MYCBP2: variants seen among roughly 807,000 people sequenced by gnomAD.
The protein encoded by MYCBP2 is E3 ubiquitin-protein ligase MYCBP2.
A neutral mutation model predicts 525.3 loss-of-function variants in MYCBP2; 120 were observed. The ratio of observed to expected loss-of-function variants is 0.23; its 90% CI spans 0.20 to 0.27. The LOEUF (loss-of-function observed/expected upper bound fraction) is 0.27. Among genes scored for constraint, MYCBP2 ranks in the 10% least tolerant of loss-of-function variants. MYCBP2 has a pLI of 1.00. For missense variants in MYCBP2, 4,149 were observed against 5,657.1 expected, an observed-to-expected ratio of 0.73 and a Z score of 8.55; for synonymous variants, 1,894 against 1,955.8, an observed-to-expected ratio of 0.97 and a Z score of 0.83.
intron 3 of MYCBP2, among the ~76,000 whole-genome samples, chr13:77,281,676 A>G (rs1040472663): frequency 6.6e-6 from 1 of 152,192 alleles, no homozygotes; most frequent in African/African-American, 2.4e-5. Context: ...TAGGAAAGTG[A>G]GATAAAAATA....
intron 23 of MYCBP2, 113 bp downstream of exon 23, chr13:77,211,054 T>C (rs2063942298): frequency 2.0e-5 from 15 of 741,578 alleles, no homozygotes; most frequent in Non-Finnish European, 2.8e-5. Context: ...AGTTATTAGA[T>C]AAACAGGAGA....
chr13:77,097,647 G>A lies in MYCBP2; in HGVS notation c.9507C>T (p.Asp3169=), dbSNP rs1334189309. ...CAGCTTTGATAGTAGCCAAAGAGATGTCTTCCCAAAAAGCCACTAAATGTT... is the reference window on the plus strand; with the variant it reads ...CAGCTTTGATAGTAGCCAAAGAGATATCTTCCCAAAAAGCCACTAAATGTT... ...TLQHLVAFWE[D]ISLATIKAAS... The change falls in exon 56 of 83, where the codon GAC becomes GAT. Residue 3169 remains aspartate, a synonymous_variant. Transcript: ENST00000544440. 4 of 1,613,550 alleles carry A rather than the reference G, an allele frequency of 2.5e-6. No homozygotes were observed. Among genetic ancestry groups the A allele is most frequent in the Non-Finnish European group, 3.4e-6 (4 of 1,179,820 alleles).
chr13:77,105,944 C>A (rs1245229918), intron 55 of MYCBP2, among the ~76,000 whole-genome samples: 1 of 152,130 alleles, frequency 6.6e-6, no homozygotes, highest in African/African-American at 2.4e-5. Flanking sequence ...TTCCTAGTCA[C>A]AGAAACTTTG....
intron 8 of MYCBP2, 134 bp downstream of exon 8, chr13:77,267,707 G>A: frequency 2.9e-6 from 2 of 684,820 alleles, no homozygotes; most frequent in Non-Finnish European, 5.2e-6. Flanking sequence ...AAAATGCTTT[G>A]TATGTCAAGA....
chr13:77,260,601 A>C lies in MYCBP2; in HGVS notation c.1853-9T>G, dbSNP rs2154337512. 3 of 1,576,766 alleles carry C rather than the reference A, an allele frequency of 1.9e-6. No individual in the cohort carries two copies. The highest frequency in any genetic ancestry group is 1.4e-5 in the African/African-American group (1 of 72,598). On this transcript the variant is annotated splice_polypyrimidine_tract_variant and intron_variant, in intron 12 of 82. Transcript: ENST00000544440. Reference sequence around the variant, plus strand: ...TTGCCGTCTGCTCTTAGCTTTAAAAAAGAAATTAGATTAAATCAAGACCTC... The same window carrying C: ...TTGCCGTCTGCTCTTAGCTTTAAAACAGAAATTAGATTAAATCAAGACCTC...
intron 15 of MYCBP2, among the ~76,000 whole-genome samples, chr13:77,250,772 T>C (rs2071068884): frequency 6.6e-6 from 1 of 152,196 alleles, no homozygotes; most frequent in South Asian, 2.1e-4. Flanking sequence ...CTCTTTATGA[T>C]ATCGATAATT....
chr13:77,139,924 T>C, intron 51 of MYCBP2, 123 bp downstream of exon 51: 1 of 589,418 alleles, frequency 1.7e-6, no homozygotes, highest in Non-Finnish European at 2.9e-6. Context: ...AAAATAGTTT[T>C]AAAATATTTC....
intron 17 of MYCBP2, among the ~76,000 whole-genome samples, chr13:77,234,268 T>G (rs780472995): frequency 1.3e-5 from 2 of 151,924 alleles, no homozygotes; most frequent in Non-Finnish European, 2.9e-5. Context: ...CACTCTAAAT[T>G]TGACAGGTTA....
intron 55 of MYCBP2, among the ~76,000 whole-genome samples, chr13:77,110,775 G>A (rs549334571): frequency 8.5e-5 from 13 of 152,182 alleles, no homozygotes; most frequent in African/African-American, 2.6e-4. Context: ...AAGAACCTAC[G>A]TTGAAATATT....
chr13:77,146,095 G>T, intron 48 of MYCBP2, 67 bp downstream of exon 48: 1 of 1,012,290 alleles, frequency 9.9e-7, no homozygotes, highest in Non-Finnish European at 1.5e-6. Flanking sequence ...TTGAAATGCA[G>T]GATGATTTTA....
intron 38 of MYCBP2, 50 bp downstream of exon 38, chr13:77,171,442 T>C (rs2059134433): frequency 1.3e-6 from 2 of 1,561,274 alleles, no homozygotes; most frequent in East Asian, 2.2e-5. Flanking sequence ...TGCAAAAATT[T>C]AGTGAATAAA....
intron 26 of MYCBP2, among the ~76,000 whole-genome samples, chr13:77,197,876 A>T (rs762733764): frequency 2.2e-4 from 34 of 152,234 alleles, no homozygotes; most frequent in Non-Finnish European, 5.0e-4. Context: ...ATTTCCAGAC[A>T]ATAGGAGGAG....
chr13:77,150,025 C>T (rs1442003425), intron 47 of MYCBP2, among the ~76,000 whole-genome samples: 1 of 152,210 alleles, frequency 6.6e-6, no homozygotes, highest in Admixed American at 6.5e-5. Flanking sequence ...CACCACTGCT[C>T]TCTGAAAATG....
At position 77,062,579 on chromosome 13, in the gene MYCBP2, C is replaced by A. The variant is rs763630549; in HGVS notation, c.12774+17G>T. The A allele has an allele frequency of 2.5e-6, 4 of 1,603,904 alleles. No individual in the cohort carries two copies. The East Asian group carries it at 6.7e-5, about 27-fold the overall frequency. Reference sequence around the variant, plus strand: ...TAAAGGAAAGCAAGATAAATTCTTACAAAATTCTGATCTTACCATTTGTTT... The same window carrying A: ...TAAAGGAAAGCAAGATAAATTCTTAAAAAATTCTGATCTTACCATTTGTTT... On this transcript the variant is annotated intron_variant, in intron 74 of 82. Coordinates refer to ENST00000544440, the MANE Select transcript of MYCBP2 (RefSeq NM_015057.5).
intron 55 of MYCBP2, among the ~76,000 whole-genome samples, chr13:77,120,040 C>T (rs1292569867): frequency 6.6e-6 from 1 of 152,064 alleles, no homozygotes; most frequent in African/African-American, 2.4e-5. Context: ...ATTATAATGA[C>T]TGATTTACTG....
intron 55 of MYCBP2, among the ~76,000 whole-genome samples, chr13:77,116,439 T>C (rs575287178): frequency 6.6e-6 from 1 of 152,110 alleles, no homozygotes; most frequent in African/African-American, 2.4e-5. Flanking sequence ...CAACACGGTA[T>C]AAAAAATACA....
rs1461987638 is a variant in MYCBP2, at chr13:77,087,601, T to C, written c.10758A>G (p.Gln3586=). 2 of 1,613,186 alleles carry C rather than the reference T, an allele frequency of 1.2e-6. No individual in the cohort carries two copies. Among genetic ancestry groups the C allele is most frequent in the African/African-American group, 2.7e-5 (2 of 74,966 alleles). The change falls in exon 62 of 83, where the codon CAA becomes CAG. Residue 3586 remains glutamine, a synonymous_variant. Transcript: ENST00000544440. The part of the protein sequence containing the change: ...AFNWLLCNVI[Q]TTSLHDILWH... ...ACAGAATATCATGGAGAGAAGTGGT[T>C]TGGATGACATTACACAGAAGCCAGT...
chr13:77,169,641 T>C lies in MYCBP2; in HGVS notation c.5868A>G (p.Ile1956Met), dbSNP rs1303652714. Reference sequence around the variant, plus strand: ...TGGGAATAGCAGCAGCTACTGGTCCTATGTAGGCTATAATAAGGGGGAGCA... The same window carrying C: ...TGGGAATAGCAGCAGCTACTGGTCCCATGTAGGCTATAATAAGGGGGAGCA... ...SMLLPLIIAY[I>M]GPVAAAIPKV... Residue 1956 changes from isoleucine (I) to methionine (M), a missense_variant, in exon 39 of 83, where the codon ATA becomes ATG. This residue lies in a region of MYCBP2 where 692 missense variants were observed against 852.7 expected (regional missense o/e 0.81). Coordinates refer to ENST00000544440, the MANE Select transcript of MYCBP2 (RefSeq NM_015057.5). The C allele has an allele frequency of 1.9e-6, 3 of 1,613,756 alleles. No individual in the cohort carries two copies. Among genetic ancestry groups the C allele is most frequent in the Middle Eastern group, 1.6e-4 (1 of 6,084 alleles).
At chr13:77,115,511 G>A (rs952368358) in intron 55 of MYCBP2, among the ~76,000 whole-genome samples, 4 of 151,592 alleles carry the variant, frequency 2.6e-5, no homozygotes, top group African/African-American at 9.7e-5. Context: ...AATAACACTT[G>A]AAATAATTTC....
Sources: allele counts gnomAD v4.1 joint callset (sites outside exome capture counted in the v4.1 genomes callset), GRCh38; gene constraint gnomAD v4.1.1; regional missense constraint gnomAD v4.1.1; transcripts MANE v1.5; gene names NCBI Gene and HGNC (gene_info 2026-07-23, HGNC 2026-07-21).